Variants in MPHOSPH9 observed in about 807,000 individuals in gnomAD.
The protein encoded by MPHOSPH9 is M-phase phosphoprotein 9.
Under a neutral mutation model 145.5 loss-of-function variants are expected in MPHOSPH9, and 88 were observed. That is an observed-to-expected ratio of 0.60 (90% CI 0.51 to 0.72). The LOEUF is 0.72. MPHOSPH9 is among the 30% of genes least tolerant of loss of function. The pLI, the probability that MPHOSPH9 is intolerant of heterozygous loss-of-function variation, is 0.00. For synonymous variants in MPHOSPH9, 435 were observed against 486.2 expected (o/e 0.89, Z 1.39); for missense variants, 1,238 against 1,386.6 (o/e 0.89, Z 1.70).
Position 123,210,167 on chromosome 12 carries a change from T to C in MPHOSPH9, c.1088-5A>G. On this transcript the variant is annotated splice_region_variant and splice_polypyrimidine_tract_variant and intron_variant, in intron 7 of 23. Transcript: ENST00000606320. ...CTAGTTTCCAGTAAGTCAATCCTGA[T>C]GTGCACAAACACACAGAATAGAAAA... 1 of 1,563,442 alleles carries C rather than the reference T, an allele frequency of 6.4e-7. No individual in the cohort carries two copies. Among genetic ancestry groups the C allele is most frequent in the Non-Finnish European group, 8.7e-7 (1 of 1,146,244 alleles).
chr12:123,170,442 C>T (rs545582375), intron 16 of MPHOSPH9, among the ~76,000 whole-genome samples: 18 of 152,142 alleles, frequency 1.2e-4, no homozygotes, highest in Middle Eastern at 6.8e-3. Flanking sequence ...TGTGTCTAGC[C>T]GCTAACTTTT....
In MPHOSPH9 at chr12:123,233,088, C is replaced by T. The variant is rs1482317537; in HGVS notation, c.-172G>A. On this transcript the variant is annotated 5_prime_UTR_variant, in exon 1 of 24. Transcript: ENST00000606320. The stretch of plus-strand genomic sequence containing the variant: ...GTGGCCGCTTACCTGGCCGCCGCTC[C>T]CGCTGCCGATGTCAGGGTCATGCAA... 2 of 152,312 alleles carry T rather than the reference C, an allele frequency of 1.3e-5. No individual in the cohort carries two copies. Among genetic ancestry groups the T allele is most frequent in the Non-Finnish European group, 2.9e-5 (2 of 68,118 alleles). The allele number at this position is 152,312 out of a possible 1,614,324, so 9.4% of individuals were successfully genotyped here. A position where few individuals can be genotyped will look rare whatever the true frequency, so the allele number is the denominator to read the frequency against.
At position 123,161,162 on chromosome 12, in the gene MPHOSPH9, C is replaced by A; in HGVS notation, c.3355G>T (p.Asp1119Tyr). 6.2e-7 allele frequency: 1 copy of A among 1,613,856 alleles called. No homozygotes were observed. The highest frequency in any genetic ancestry group is 8.5e-7 in the Non-Finnish European group (1 of 1,179,956). ...RTLAETERFF[D>Y]ELTKEKDQIE... ...TGGTCCTTTTCTTTTGTAAGTTCAT[C>A]AAAAAATCGTTCTGTTTCAGCTAGG... is the stretch of plus-strand genomic sequence containing the variant. The change falls in exon 22 of 24, where the codon GAT becomes TAT. Residue 1119 changes from aspartate to tyrosine, a missense_variant. By Grantham distance (160) the Asp-to-Tyr change is radical (BLOSUM62 -3). This residue lies in a region of MPHOSPH9 where 393 missense variants were observed against 462.5 expected (regional missense o/e 0.85). Transcript: ENST00000606320.
intron 13 of MPHOSPH9, among the ~76,000 whole-genome samples, chr12:123,187,216 C>T (rs888542758): frequency 4.0e-5 from 6 of 151,554 alleles, no homozygotes; most frequent in Admixed American, 6.6e-5. Context: ...GCCAAGATTG[C>T]GCCATTGCAC....
chr12:123,193,799 GA>G (rs1209711862), intron 13 of MPHOSPH9, among the ~76,000 whole-genome samples: 1 of 148,456 alleles, frequency 6.7e-6, no homozygotes, highest in Admixed American at 6.9e-5. Context: ...AAGATAGCTT[GA>G]AAGTTGACCT....
chr12:123,194,953 C>G (rs1046891203), intron 12 of MPHOSPH9, among the ~76,000 whole-genome samples: 1 of 151,866 alleles, frequency 6.6e-6, no homozygotes, highest in South Asian at 2.1e-4. Context: ...AAAAAAGATG[C>G]CTTAATAATA....
At chr12:123,172,337 CTT>C (rs564906823) in intron 16 of MPHOSPH9, among the ~76,000 whole-genome samples, 21 of 145,962 alleles carry the variant, frequency 1.4e-4, no homozygotes, top group East Asian at 2.0e-4. Flanking sequence ...AATTTTCTTT[CTT>C]TTTTTTTTTT....
rs1364054570 is a variant in MPHOSPH9, at chr12:123,227,555, C to T, written c.166G>A (p.Val56Ile). 6.5e-7 allele frequency: 1 copy of T among 1,533,072 alleles called. No individual in the cohort carries two copies. The highest frequency in any genetic ancestry group is 8.7e-7 in the Non-Finnish European group (1 of 1,144,902). 95.0% of individuals were successfully genotyped at this position (1,533,072 alleles called of 1,614,324 possible). A position where few individuals can be genotyped will look rare whatever the true frequency, so the allele number is the denominator to read the frequency against. The change falls in exon 3 of 24, where the codon GTA (valine) becomes ATA (isoleucine). Residue 56 changes from valine to isoleucine, a missense_variant. Val to Ile is a conservative substitution (Grantham distance 29). Around this residue, in one of 3 missense-constraint regions of MPHOSPH9, gnomAD observed 837 missense variants for 897.5 expected, o/e 0.93. Transcript: ENST00000606320. ...AGGACTTCAACTGTACCTTGAATTA[C>T]AGATGGTCTGGTCTTCCCTGAGAAA... is the stretch of plus-strand genomic sequence containing the variant. ...SSFSGKTRPS[V>I]IQGTVEVLTS...
intron 1 of MPHOSPH9, among the ~76,000 whole-genome samples, chr12:123,243,466 C>T (rs937259921): frequency 2.7e-5 from 4 of 146,432 alleles, no homozygotes; most frequent in Non-Finnish European, 6.0e-5. Context: ...GGAGGCGGAG[C>T]TTGCAGTGAG....
intron 3 of MPHOSPH9, among the ~76,000 whole-genome samples, chr12:123,223,420 C>G (rs745473623): frequency 1.3e-5 from 2 of 152,202 alleles, no homozygotes; most frequent in Non-Finnish European, 2.9e-5. Flanking sequence ...TAAAGCCTTT[C>G]AGCATCTTTC....
At chr12:123,197,846 G>A (rs2046037765) in intron 12 of MPHOSPH9, among the ~76,000 whole-genome samples, 1 of 150,396 alleles carries the variant, frequency 6.6e-6, no homozygotes, top group African/African-American at 2.4e-5. Context: ...CACTTTGGGA[G>A]GCCGAGGCAG....
At chr12:123,198,691 T>C (rs567724024) in intron 11 of MPHOSPH9, among the ~76,000 whole-genome samples, 1 of 151,216 alleles carries the variant, frequency 6.6e-6, no homozygotes, top group East Asian at 2.0e-4. Flanking sequence ...GTGCCTGTAG[T>C]CCCAGCTACT....
At chr12:123,219,533 A>T (rs1428399076) in intron 5 of MPHOSPH9, among the ~76,000 whole-genome samples, 2 of 148,486 alleles carry the variant, frequency 1.3e-5, no homozygotes, top group Non-Finnish European at 3.0e-5. Flanking sequence ...AGCCTGGGCA[A>T]CAGAGCGAGA....
chr12:123,230,495 G>A lies in MPHOSPH9; in HGVS notation c.-131C>T, dbSNP rs920103110. On this transcript the variant is annotated 5_prime_UTR_variant, in exon 2 of 24. Transcript: ENST00000606320. The stretch of plus-strand genomic sequence containing the variant: ...TTTTCAGTGGCTAACATTCAGAACT[G>A]TGAAATATCCTAAACTTCCAAGAGA... The A allele has an allele frequency of 7.8e-6, 4 of 513,606 alleles. No individual in the cohort carries two copies. Among genetic ancestry groups the A allele is most frequent in the Non-Finnish European group, 1.4e-5 (4 of 292,936 alleles). 31.8% of individuals were successfully genotyped at this position (513,606 alleles called of 1,614,324 possible).
At chr12:123,165,545 C>G in intron 17 of MPHOSPH9, 68 bp from the exon 18 acceptor site, 1 of 1,370,238 alleles carries the variant, frequency 7.3e-7, no homozygotes, top group South Asian at 1.2e-5. Flanking sequence ...CCCGCCCCCA[C>G]ACCAAACATA....
Position 123,202,623 on chromosome 12 carries a change from C to T in MPHOSPH9, c.1781+1G>A. ...TACAAGCCATTCACTGAAATACATA[C>T]TTAGACAATATCACAGGATCTTCCA... On this transcript the variant is annotated splice_donor_variant, in intron 10 of 23. Transcript: ENST00000606320. LOFTEE classifies it high-confidence loss of function. The T allele has an allele frequency of 6.2e-7, 1 of 1,609,952 alleles. No homozygotes were observed. The highest frequency in any genetic ancestry group is 8.5e-7 in the Non-Finnish European group (1 of 1,176,614).
In MPHOSPH9 at chr12:123,203,277, A is replaced by T; in HGVS notation, c.1293T>A (p.Ser431=). 1 of 1,613,932 alleles carries T rather than the reference A, an allele frequency of 6.2e-7. No individual in the cohort carries two copies. Among genetic ancestry groups the T allele is most frequent in the South Asian group, 1.1e-5 (1 of 90,974 alleles). Residue 431 remains serine, a synonymous_variant, in exon 9 of 24, where the codon TCT becomes TCA. Transcript: ENST00000606320. ...NKQLPERNLT[S]ASNPNHPPEV... is the part of the protein sequence containing the mutation. Reference sequence around the variant, plus strand: ...CTGGTGGATGATTTGGGTTGGAAGCAGAAGTGAGATTCCTCTCAGGTAACT... The same window carrying T: ...CTGGTGGATGATTTGGGTTGGAAGCTGAAGTGAGATTCCTCTCAGGTAACT...
At chr12:123,212,884 G>A (rs1173122744) in intron 7 of MPHOSPH9, among the ~76,000 whole-genome samples, 3 of 139,294 alleles carry the variant, frequency 2.2e-5, no homozygotes, top group African/African-American at 8.0e-5. Flanking sequence ...TTTTGAGACA[G>A]AGTCTGGCTC....
chr12:123,211,429 T>C (rs1363332427), intron 7 of MPHOSPH9, among the ~76,000 whole-genome samples: 4 of 151,936 alleles, frequency 2.6e-5, no homozygotes, highest in Non-Finnish European at 4.4e-5. Context: ...CCCAGCTCAC[T>C]GGAGTCTCAA....
Sources: gnomAD v4.1 joint callset for allele counts (sites outside exome capture counted in the v4.1 genomes callset) on GRCh38, gnomAD v4.1.1 for gene constraint, gnomAD v4.1.1 regional missense constraint, MANE v1.5 for transcripts, NCBI Gene and HGNC (gene_info 2026-07-23, HGNC 2026-07-21) for gene names.